PHLPP1: variants seen among roughly 807,000 people sequenced by gnomAD.
PHLPP1 encodes the protein PH domain and leucine rich repeat protein phosphatase 1, also known as PH domain leucine-rich repeat-containing protein phosphatase 1.
A neutral mutation model predicts 117.2 loss-of-function variants in PHLPP1; 42 were observed. The ratio of observed to expected loss-of-function variants is 0.36; its 90% CI spans 0.28 to 0.46. The LOEUF (loss-of-function observed/expected upper bound fraction) is 0.46, where lower values mean the gene tolerates loss of function less well. Ranked by LOEUF, PHLPP1 falls within the 20% of genes least tolerant of loss-of-function variation. PHLPP1 has a pLI of 1.00. For missense variants in PHLPP1, 2,084 were observed against 2,241.9 expected (o/e 0.93, Z 1.42); for synonymous variants, 1,042 against 970.7 (o/e 1.07, Z -1.37).
Position 62,776,032 on chromosome 18 carries a change from A to G in PHLPP1, c.1577-54003A>G, listed in dbSNP as rs139623565. Among the ~76,000 whole-genome samples, 1,183 of 152,218 alleles carry G rather than the reference A, an allele frequency of 7.8e-3. 19 individuals carry two copies. The highest frequency in any genetic ancestry group is 0.027 in the African/African-American group (1,132 of 41,564). ...AATAAGATAGCCTATCTATGTCTAT[A>G]CATAGGCATAGATATATATCTATAA... On this transcript the variant is annotated intron_variant, in intron 1 of 16. Transcript: ENST00000262719.
chr18:62,977,060 T>C (rs367639782), intron 16 of PHLPP1, among the ~76,000 whole-genome samples: 1 of 152,186 alleles, frequency 6.6e-6, no homozygotes, highest in African/African-American at 2.4e-5. Flanking sequence ...CCAAATTCCA[T>C]GCTTTGGGGA....
chr18:62,731,204 T>C (rs1015648854), intron 1 of PHLPP1: 4 of 152,026 alleles, frequency 2.6e-5, no homozygotes, highest in African/African-American at 4.8e-5. Flanking sequence ...TCAAAACTTT[T>C]CATTGTTTAT....
At chr18:62,911,989 C>T (rs2144414539) in intron 8 of PHLPP1, among the ~76,000 whole-genome samples, 2 of 59,350 alleles carry the variant, frequency 3.4e-5, no homozygotes, top group South Asian at 1.4e-3. Context: ...ATGATGAGTT[C>T]ATGTCCTTTG....
chr18:62,737,044 A>G (rs77989731), intron 1 of PHLPP1, among the ~76,000 whole-genome samples: 4 of 152,324 alleles, frequency 2.6e-5, no homozygotes, highest in East Asian at 1.9e-4. Context: ...TGACGTTTAC[A>G]TAAATAATAA....
chr18:62,961,244 G>A (rs78127794), intron 13 of PHLPP1, among the ~76,000 whole-genome samples: 2,852 of 152,240 alleles, frequency 0.019, 93 homozygotes, highest in African/African-American at 0.064. Flanking sequence ...GCAGTGAGCC[G>A]TGTTACGCTA....
chr18:62,917,396 TTGTGTGTGTGTGTGTGTGTG>T (rs34407573), intron 9 of PHLPP1, among the ~76,000 whole-genome samples: 2 of 141,440 alleles, frequency 1.4e-5, no homozygotes, highest in Admixed American at 1.4e-4. Context: ...ACAGTATTCT[TTGTGTGTGTGTGTGTGTGTG>T]TGTGTGTGTG....
At chr18:62,740,244 C>G in intron 1 of PHLPP1, among the ~76,000 whole-genome samples, 1 of 152,136 alleles carries the variant, frequency 6.6e-6, no homozygotes, top group Admixed American at 6.6e-5. Flanking sequence ...AATAACCAAG[C>G]TGGGATTGTG....
intron 3 of PHLPP1, among the ~76,000 whole-genome samples, chr18:62,849,816 A>ATATATATATATATAT (rs1915281013): frequency 2.2e-5 from 1 of 45,372 alleles, no homozygotes; most frequent in Non-Finnish European, 4.6e-5. Flanking sequence ...AAAAAAAAAA[A>ATATATATATATATAT]AAAAAAAAAA....
At chr18:62,897,115 C>T (rs1468432550) in intron 6 of PHLPP1, among the ~76,000 whole-genome samples, 1 of 152,112 alleles carries the variant, frequency 6.6e-6, no homozygotes, top group Non-Finnish European at 1.5e-5. Flanking sequence ...ATTCATCCAC[C>T]AGTGGTAGAA....
At chr18:62,749,704 G>T (rs1257627442) in intron 1 of PHLPP1, among the ~76,000 whole-genome samples, 1 of 152,128 alleles carries the variant, frequency 6.6e-6, no homozygotes, top group East Asian at 1.9e-4. Flanking sequence ...TCTCTTGTGT[G>T]TCCAGATTTC....
Position 62,979,250 on chromosome 18 carries a change from C to T in PHLPP1, c.4973C>T (p.Pro1658Leu), listed in dbSNP as rs1243377031. 11 of 1,587,284 alleles carry T rather than the reference C, an allele frequency of 6.9e-6. No individual in the cohort carries two copies. Among genetic ancestry groups the T allele is most frequent in the Non-Finnish European group, 8.6e-6 (10 of 1,166,368 alleles). ...PGGYFAAPAQ[P>L]DPDDQFIIPP... The stretch of plus-strand genomic sequence containing the variant: ...GGCTATTTTGCTGCCCCGGCTCAGC[C>T]GGATCCTGATGATCAGTTTATCATA... The change falls in exon 17 of 17, where the codon CCG becomes CTG. Residue 1658 changes from proline (P) to leucine (L), a missense_variant. By Grantham distance (98) the Pro-to-Leu change is moderately conservative. Coordinates refer to ENST00000262719, the MANE Select transcript of PHLPP1 (RefSeq NM_194449.4).
intron 4 of PHLPP1, among the ~76,000 whole-genome samples, chr18:62,877,140 G>T (rs1368337230): frequency 6.6e-6 from 1 of 152,172 alleles, no homozygotes; most frequent in African/African-American, 2.4e-5. Context: ...GAAAACAAAT[G>T]ACCTTATTTC....
At chr18:62,726,880 G>A (rs968879958) in intron 1 of PHLPP1, among the ~76,000 whole-genome samples, 5 of 151,064 alleles carry the variant, frequency 3.3e-5, no homozygotes, top group African/African-American at 4.9e-5. Flanking sequence ...CACCATGCCC[G>A]GCCAGTATTT....
chr18:62,928,600 G>A (rs1042018127), intron 10 of PHLPP1, among the ~76,000 whole-genome samples: 3 of 152,120 alleles, frequency 2.0e-5, no homozygotes, highest in African/African-American at 7.2e-5. Context: ...AAAACAGATT[G>A]TCAGTTCCTC....
At chr18:62,760,709 G>A (rs2144247824) in intron 1 of PHLPP1, among the ~76,000 whole-genome samples, 1 of 152,254 alleles carries the variant, frequency 6.6e-6, no homozygotes, top group East Asian at 1.9e-4. Flanking sequence ...TAATTTTGTA[G>A]GAATTCAGAG....
intron 4 of PHLPP1, among the ~76,000 whole-genome samples, chr18:62,884,958 A>ATTAGCTTTAG (rs1916250270): frequency 6.6e-6 from 1 of 152,224 alleles, no homozygotes; most frequent in Non-Finnish European, 1.5e-5. Flanking sequence ...GATATATCTA[A>ATTAGCTTTAG]AGCTAATTAA....
At chr18:62,722,813 A>G (rs1294747933) in intron 1 of PHLPP1, among the ~76,000 whole-genome samples, 1 of 152,236 alleles carries the variant, frequency 6.6e-6, no homozygotes, top group Non-Finnish European at 1.5e-5. Flanking sequence ...CTTTAATGAT[A>G]CTTTGATTAA....
chr18:62,716,224 C>A lies in PHLPP1; in HGVS notation c.541C>A (p.His181Asn). The change falls in exon 1 of 17, where the codon CAC becomes AAC. Residue 181 changes from histidine to asparagine, a missense_variant. His to Asn is a moderately conservative substitution (Grantham distance 68). Around this residue, in one of 2 missense-constraint regions of PHLPP1, gnomAD observed 719 missense variants for 636.0 expected, o/e 1.13. Transcript: ENST00000262719. This position sits in a 1 kb window ranked among gnomAD's most constrained non-coding sequence, Gnocchi z 5.7. The stretch of plus-strand genomic sequence containing the variant: ...GGACAGGAAGACGCTGCTTCTGAAG[C>A]ACCGGCAGACGCTGCAGCTGCAGCC... ...SLDRKTLLLK[H>N]RQTLQLQPSD... The A allele has an allele frequency of 6.5e-7, 1 of 1,528,498 alleles. No individual in the cohort carries two copies. The highest frequency in any genetic ancestry group is 2.5e-5 in the East Asian group (1 of 40,348). 94.7% of individuals were successfully genotyped at this position (1,528,498 alleles called of 1,614,324 possible). A position where few individuals can be genotyped will look rare whatever the true frequency, so the allele number is the denominator to read the frequency against.
At chr18:62,845,142 A>G (rs964460094) in intron 3 of PHLPP1, among the ~76,000 whole-genome samples, 3 of 152,172 alleles carry the variant, frequency 2.0e-5, no homozygotes, top group Admixed American at 6.5e-5. Flanking sequence ...TGAAAACAGC[A>G]TGGTAAATTC....
Sources: allele counts gnomAD v4.1 joint callset (sites outside exome capture counted in the v4.1 genomes callset), GRCh38; gene constraint gnomAD v4.1.1; regional missense constraint gnomAD v4.1.1; non-coding constraint Gnocchi (gnomAD v3.1); transcripts MANE v1.5; gene names NCBI Gene and HGNC (gene_info 2026-07-23, HGNC 2026-07-21).